CD55: variants seen among roughly 807,000 people sequenced by gnomAD.
CD55 encodes the protein CD55 molecule (Cromer blood group).
In CD55, 41 loss-of-function variants were observed where a neutral mutation model predicts 45.8. The ratio of observed to expected loss-of-function variants is 0.90; its 90% CI spans 0.70 to 1.16. The LOEUF (loss-of-function observed/expected upper bound fraction) is 1.16. Among genes scored for constraint, CD55 ranks in the 50% most tolerant of loss-of-function variants. The probability of loss-of-function intolerance (pLI) is 0.00; values close to 1 mark genes in which losing one functional copy is unlikely to be tolerated. For synonymous variants in CD55, 181 were observed against 181.1 expected (o/e 1.00, Z 0.01); for missense variants, 416 against 469.8 (o/e 0.89, Z 1.06).
intron 3 of CD55, among the ~76,000 whole-genome samples, chr1:207,325,030 A>G (rs1292489383): frequency 6.6e-6 from 1 of 152,164 alleles, no homozygotes; most frequent in Non-Finnish European, 1.5e-5. Context: ...TATAAAGAGA[A>G]ATTAGAATTA....
rs750769577 is a variant in CD55 at position 207,336,713 on chromosome 1, G to T, written c.874G>T (p.Val292Phe). ...CACAGGAAAATCTCTAACTTCCAAG[G>T]TCCCACCAACAGTTCAGAAACCTAC... is the stretch of plus-strand genomic sequence containing the variant. Reference protein sequence around the residue: ...ECRGKSLTSKVPPTVQKPTTV... With the variant: ...ECRGKSLTSKFPPTVQKPTTV... Residue 292 changes from valine (V) to phenylalanine (F), a missense_variant, in exon 7 of 10, where the codon GTC becomes TTC. Physicochemically the swap from Val to Phe is conservative, Grantham distance 50 (BLOSUM62 -1). Transcript: ENST00000367064. The T allele has an allele frequency of 6.8e-6, 11 of 1,613,392 alleles. No individual in the cohort carries two copies. The highest frequency in any genetic ancestry group is 5.0e-5 in the Admixed American group (3 of 59,910).
intron 9 of CD55, among the ~76,000 whole-genome samples, chr1:207,351,303 A>AAGAATGTAT (rs1210223309): frequency 1.3e-5 from 2 of 152,260 alleles, no homozygotes; most frequent in East Asian, 3.9e-4. Flanking sequence ...TGCAGATGAG[A>AAGAATGTAT]AGAATGTATA....
Position 207,359,531 on chromosome 1 carries a change from T to TTTTC in CD55, c.1082-12_1082-11insCTTT. ...TTGATTTTAACTTTTTTTTTTTTTT[T>TTTTC]TTTTTAATTTTCAGGGCACACGTGT... On this transcript the variant is annotated splice_polypyrimidine_tract_variant and intron_variant, in intron 9 of 9. Coordinates refer to ENST00000367064, the MANE Select transcript of CD55 (RefSeq NM_000574.5). The TTTTC allele has an allele frequency of 1.3e-6, 2 of 1,529,998 alleles. No individual in the cohort carries two copies. The highest frequency in any genetic ancestry group is 1.7e-6 in the Non-Finnish European group (2 of 1,151,016). The allele number at this position is 1,529,998 out of a possible 1,614,324, so 94.8% of individuals were successfully genotyped here.
intron 4 of CD55, among the ~76,000 whole-genome samples, chr1:207,326,285 C>G (rs1403292642): frequency 1.3e-5 from 2 of 152,112 alleles, no homozygotes; most frequent in Admixed American, 1.3e-4. Flanking sequence ...CTATTTTACT[C>G]TGTGTGTGTC....
At chr1:207,344,065 A>G (rs1210891919) in intron 9 of CD55, among the ~76,000 whole-genome samples, 2 of 152,206 alleles carry the variant, frequency 1.3e-5, no homozygotes, top group Non-Finnish European at 2.9e-5. Context: ...CACAGATGAG[A>G]TGAATTTCTT....
chr1:207,338,526 A>G (rs1336832935), intron 8 of CD55, among the ~76,000 whole-genome samples: 2 of 152,200 alleles, frequency 1.3e-5, no homozygotes, highest in African/African-American at 4.8e-5. Context: ...AATTTAAGAC[A>G]TTTAAACTGA....
At chr1:207,352,396 T>A (rs1036212559) in intron 9 of CD55, among the ~76,000 whole-genome samples, 5 of 151,994 alleles carry the variant, frequency 3.3e-5, no homozygotes, top group Middle Eastern at 3.2e-3. Context: ...AAAGGAAAAT[T>A]TTTTTTTAAC....
At chr1:207,345,902 T>G (rs1036347887) in intron 9 of CD55, among the ~76,000 whole-genome samples, 1 of 152,222 alleles carries the variant, frequency 6.6e-6, no homozygotes. Flanking sequence ...TAGTGGAGAT[T>G]TGCTAGGGAA....
chr1:207,338,920 G>A (rs1332866493), intron 8 of CD55, among the ~76,000 whole-genome samples: 1 of 152,070 alleles, frequency 6.6e-6, no homozygotes, highest in Admixed American at 6.6e-5. Context: ...TTATCTGAAA[G>A]TAAATTTATT....
intron 9 of CD55, among the ~76,000 whole-genome samples, chr1:207,358,949 A>G (rs1213442617): frequency 1.3e-5 from 2 of 152,194 alleles, no homozygotes; most frequent in Non-Finnish European, 2.9e-5. Context: ...TGCCTTCATT[A>G]TGATAATTTG....
In CD55 at chr1:207,331,106, A is replaced by G; in HGVS notation, c.665-2A>G. ...TAAAAGATGTTGGAATTGTTTTTTA[A>G]GAAATTTATTGTCCAGCACCACCAC... On this transcript the variant is annotated splice_acceptor_variant, in intron 5 of 9. Transcript: ENST00000367064. LOFTEE classifies it high-confidence loss of function. 2 of 1,592,092 alleles carry G rather than the reference A, an allele frequency of 1.3e-6. No individual in the cohort carries two copies. The highest frequency in any genetic ancestry group is 2.2e-5 in the East Asian group (1 of 44,620).
chr1:207,326,655 G>T, intron 4 of CD55, 97 bp from the exon 5 acceptor site: 1 of 852,566 alleles, frequency 1.2e-6, no homozygotes. Flanking sequence ...TCACCTAATT[G>T]TGTAGTAAAT....
intron 2 of CD55, among the ~76,000 whole-genome samples, chr1:207,323,840 G>T (rs187457845): frequency 1.3e-5 from 2 of 152,052 alleles, no homozygotes; most frequent in African/African-American, 2.4e-5. Flanking sequence ...AGGTAAGTTG[G>T]GGCTCTTACA....
chr1:207,322,435 C>T lies in CD55; in HGVS notation c.154C>T (p.Arg52Cys). ...VPNAQPALEG[R>C]TSFPEDTVIT... ...TAATGCCCAGCCAGCTTTGGAAGGCCGTACAAGTTTTCCCGAGGATACTGT... is the reference window on the plus strand; with the variant it reads ...TAATGCCCAGCCAGCTTTGGAAGGCTGTACAAGTTTTCCCGAGGATACTGT... Residue 52 changes from arginine (R) to cysteine (C), a missense_variant, in exon 2 of 10, where the codon CGT becomes TGT. Physicochemically the swap from Arg to Cys is radical, Grantham distance 180 (BLOSUM62 -3). This residue lies in a region of CD55 where 123 missense variants were observed against 105.1 expected (regional missense o/e 1.17). Coordinates refer to ENST00000367064, the MANE Select transcript of CD55 (RefSeq NM_000574.5). 1 of 1,614,184 alleles carries T rather than the reference C, an allele frequency of 6.2e-7. No homozygotes were observed. The highest frequency in any genetic ancestry group is 8.5e-7 in the Non-Finnish European group (1 of 1,180,032).
chr1:207,354,449 A>G (rs1017724572), intron 9 of CD55, among the ~76,000 whole-genome samples: 1 of 152,210 alleles, frequency 6.6e-6, no homozygotes, highest in Non-Finnish European at 1.5e-5. Flanking sequence ...CAATGTTTTC[A>G]ACACTGCAAT....
At chr1:207,350,507 T>C (rs28739011) in intron 9 of CD55, among the ~76,000 whole-genome samples, 49 of 152,302 alleles carry the variant, frequency 3.2e-4, no homozygotes, top group African/African-American at 1.1e-3. Flanking sequence ...TTGGTAGGTT[T>C]TTTAAATTAC....
chr1:207,337,677 G>C, intron 8 of CD55: 2 of 311,900 alleles, frequency 6.4e-6, no homozygotes, highest in South Asian at 6.4e-5. Flanking sequence ...AAAAAATTCT[G>C]TTTCCTGTAG....
chr1:207,344,661 C>T (rs1424756830), intron 9 of CD55, among the ~76,000 whole-genome samples: 1 of 151,538 alleles, frequency 6.6e-6, no homozygotes, highest in African/African-American at 2.4e-5. Flanking sequence ...TTAGAACTCT[C>T]TCTGTCTTTG....
intron 6 of CD55, among the ~76,000 whole-genome samples, chr1:207,335,508 A>G (rs1655129447): frequency 1.3e-5 from 2 of 152,254 alleles, no homozygotes. Flanking sequence ...AAGGTAGTAT[A>G]TACATTCTCT....
Sources: gnomAD v4.1 joint callset for allele counts (sites outside exome capture counted in the v4.1 genomes callset) on GRCh38, gnomAD v4.1.1 for gene constraint, gnomAD v4.1.1 regional missense constraint, MANE v1.5 for transcripts, NCBI Gene and HGNC (gene_info 2026-07-23, HGNC 2026-07-21) for gene names.